The following FAT2 variants were observed in gnomAD, a reference collection of about 807,000 sequenced individuals.
FAT2 encodes protocadherin Fat 2.
Under a neutral mutation model 295.3 loss-of-function variants are expected in FAT2, and 150 were observed. That is an observed-to-expected ratio of 0.51 (90% CI 0.44 to 0.58). The LOEUF is 0.58. FAT2 is among the 20% of genes least tolerant of loss of function. FAT2 has a pLI of 0.00. For synonymous variants in FAT2, 2,026 were observed against 2,150.3 expected (o/e 0.94, Z 1.60); for missense variants, 4,868 against 5,442.7 (o/e 0.89, Z 3.32).
In FAT2 at chr5:151,521,298, C is replaced by T; in HGVS notation, c.11295G>A (p.Leu3765=). ...RLSILTPRHH[L]QRSCSCNGTA... Reference sequence around the variant, plus strand: ...TACCATTGCAGGAGCAGCTCCTCTGCAGGTGGTGCCGCGGGGTTAGGATGC... The same window carrying T: ...TACCATTGCAGGAGCAGCTCCTCTGTAGGTGGTGCCGCGGGGTTAGGATGC... Residue 3765 remains leucine, a synonymous_variant, in exon 19 of 24, where the codon CTG becomes CTA. Transcript: ENST00000261800. 1 of 1,610,788 alleles carries T rather than the reference C, an allele frequency of 6.2e-7. No individual in the cohort carries two copies. The highest frequency in any genetic ancestry group is 8.5e-7 in the Non-Finnish European group (1 of 1,177,602).
intron 1 of FAT2, among the ~76,000 whole-genome samples, chr5:151,581,058 C>T (rs982154756): frequency 2.0e-5 from 3 of 152,194 alleles, no homozygotes; most frequent in Non-Finnish European, 4.4e-5. Flanking sequence ...CAGGCACCTC[C>T]AGGAGGTGGA....
rs144641083 is a variant in FAT2, at chr5:151,565,980, C to T, written c.2952G>A (p.Glu984=). Residue 984 remains glutamate (E), a synonymous_variant, in exon 2 of 24, where the codon GAG becomes GAA. Transcript: ENST00000261800. Reference sequence around the variant, plus strand: ...CTCGCCTCTCAAAGTCCAGCTCTCTCTCCAGAATGAGCGCCCCTGTCATCA... The same window carrying T: ...CTCGCCTCTCAAAGTCCAGCTCTCTTTCCAGAATGAGCGCCCCTGTCATCA... ...VDLMTGALIL[E]RELDFERRAG... is the part of the protein sequence containing the mutation. 4.3e-6 allele frequency: 7 copies of T among 1,614,108 alleles called. No homozygotes were observed. In the African/African-American group the frequency reaches 8.0e-5, roughly 18 times the overall value.
chr5:151,581,478 G>A lies in FAT2; in HGVS notation c.-21+9687C>T, dbSNP rs78573995. 2.3e-3 allele frequency among the ~76,000 whole-genome samples: 347 copies of A among 152,286 alleles called. 5 individuals carry two copies. In the East Asian group the frequency reaches 0.057, roughly 25 times the overall value. ...TGAGCTAACCCTCTGCTGAGCTATC[G>A]CTAGAGGCCCTGAAGATGGTGAGGT... On this transcript the variant is annotated intron_variant, in intron 1 of 23. Coordinates refer to ENST00000261800, the MANE Select transcript of FAT2 (RefSeq NM_001447.3).
chr5:151,567,595 A>G lies in FAT2; in HGVS notation c.1337T>C (p.Ile446Thr), dbSNP rs757662606. Residue 446 changes from isoleucine (I) to threonine (T), a missense_variant, in exon 2 of 24, where the codon ATT becomes ACT. Physicochemically the swap from Ile to Thr is moderately conservative, Grantham distance 89 (BLOSUM62 -1). Coordinates refer to ENST00000261800, the MANE Select transcript of FAT2 (RefSeq NM_001447.3). ...ATGGTTGTTGCAGTCCACAATGTCA[A>G]TGACCACCACGGTGGAGGCCTGGCC... ...SPGQASTVVVIDIVDCNNHAP... is the reference protein window; with the variant it reads ...SPGQASTVVVTDIVDCNNHAP... 22 of 1,614,062 alleles carry G rather than the reference A, an allele frequency of 1.4e-5. No homozygotes were observed. In the Admixed American group the frequency reaches 1.7e-4, roughly 12 times the overall value.
intron 1 of FAT2, among the ~76,000 whole-genome samples, chr5:151,583,177 A>G (rs546584048): frequency 2.5e-4 from 38 of 152,298 alleles, no homozygotes; most frequent in African/African-American, 8.2e-4. Context: ...TGCACACCTC[A>G]TGACCCAGCG....
At chr5:151,586,879 G>A (rs950414945) in intron 1 of FAT2, among the ~76,000 whole-genome samples, 4 of 152,204 alleles carry the variant, frequency 2.6e-5, no homozygotes, top group African/African-American at 7.2e-5. Flanking sequence ...AGTGGCCCAC[G>A]CTTGTAATCC....
chr5:151,518,338 G>A (rs1581299821), intron 19 of FAT2, among the ~76,000 whole-genome samples: 1 of 121,118 alleles, frequency 8.3e-6, no homozygotes, highest in East Asian at 2.6e-4. Flanking sequence ...GACAGAGAGA[G>A]ACCATGTCTC....
At position 151,546,276 on chromosome 5, in the gene FAT2, C is replaced by G. The variant is rs768778253; in HGVS notation, c.4851G>C (p.Lys1617Asn). ...GTGGGGCATGATTTGCCTGATCAAGCTTTTGAGCTAGAGTAATGATGCCTA... is the reference window on the plus strand; with the variant it reads ...GTGGGGCATGATTTGCCTGATCAAGGTTTTGAGCTAGAGTAATGATGCCTA... ...ALLGIITLAQ[K>N]LDQANHAPHT... Residue 1617 changes from lysine (K) to asparagine (N), a missense_variant, in exon 10 of 24, where the codon AAG becomes AAC. Lys to Asn is a moderately conservative substitution (Grantham distance 94). Around this residue, in one of 5 missense-constraint regions of FAT2, gnomAD observed 3,297 missense variants for 3,669.4 expected, o/e 0.90. Coordinates refer to ENST00000261800, the MANE Select transcript of FAT2 (RefSeq NM_001447.3). The G allele has an allele frequency of 6.2e-7, 1 of 1,614,116 alleles. No individual in the cohort carries two copies. Among genetic ancestry groups the G allele is most frequent in the South Asian group, 1.1e-5 (1 of 91,078 alleles).
chr5:151,558,863 A>G (rs1387814630), intron 3 of FAT2, among the ~76,000 whole-genome samples: 2 of 152,182 alleles, frequency 1.3e-5, no homozygotes, highest in Non-Finnish European at 2.9e-5. Flanking sequence ...GATTCAGGGA[A>G]GTTGAGGTGG....
At chr5:151,577,964 TC>T (rs1264882292) in intron 1 of FAT2, among the ~76,000 whole-genome samples, 1 of 151,078 alleles carries the variant, frequency 6.6e-6, no homozygotes, top group Non-Finnish European at 1.5e-5. Context: ...TCTGGGGCTC[TC>T]TGGTAGGAGG....
intron 19 of FAT2, among the ~76,000 whole-genome samples, chr5:151,520,947 T>G (rs1405623650): frequency 6.6e-6 from 1 of 152,234 alleles, no homozygotes; most frequent in Non-Finnish European, 1.5e-5. Context: ...AGGTTAATTT[T>G]CCTAAAGTCG....
At chr5:151,573,075 T>G (rs1441820122) in intron 1 of FAT2, among the ~76,000 whole-genome samples, 1 of 152,190 alleles carries the variant, frequency 6.6e-6, no homozygotes, top group Admixed American at 6.5e-5. Context: ...AGGATATATG[T>G]ATGAACCAAC....
At position 151,510,193 on chromosome 5, in the gene FAT2, A is replaced by G. The variant is rs750064326; in HGVS notation, c.11906-19T>C. On this transcript the variant is annotated intron_variant, in intron 21 of 23. Transcript: ENST00000261800. ...ACATAGCCTAGGAGAAAAAGAAGGG[A>G]GGTGAGAGACCGCACTGGCCTAGCA... 1.5e-5 allele frequency: 25 copies of G among 1,613,478 alleles called. No homozygotes were observed. Among genetic ancestry groups the G allele is most frequent in the Non-Finnish European group, 2.0e-5 (24 of 1,179,710 alleles).
chr5:151,531,827 C>G lies in FAT2; in HGVS notation c.9571G>C (p.Asp3191His), dbSNP rs2127591668. The G allele has an allele frequency of 6.2e-7, 1 of 1,613,864 alleles. No individual in the cohort carries two copies. Among genetic ancestry groups the G allele is most frequent in the Non-Finnish European group, 8.5e-7 (1 of 1,180,024 alleles). The change falls in exon 14 of 24, where the codon GAC becomes CAC. Residue 3191 changes from aspartate (D) to histidine (H), a missense_variant. By Grantham distance (81) the Asp-to-His change is moderately conservative (BLOSUM62 -1). Coordinates refer to ENST00000261800, the MANE Select transcript of FAT2 (RefSeq NM_001447.3). The surrounding 1 kb of genome is among the most constrained non-coding windows in gnomAD (Gnocchi z 5.7). ...APLELTVRAS[D>H]LGTPIPLSTL... ...GACAGCGGTATTGGGGTGCCCAGGT[C>G]AGAGGCACGGACCGTGAGCTCCAGT... is the stretch of plus-strand genomic sequence containing the variant.
In FAT2 at chr5:151,505,891, G is replaced by A. The variant is rs769281607; in HGVS notation, c.12724C>T (p.Arg4242Cys). 5.6e-6 allele frequency: 9 copies of A among 1,598,920 alleles called. No individual in the cohort carries two copies. Among genetic ancestry groups the A allele is most frequent in the Non-Finnish European group, 6.0e-6 (7 of 1,174,334 alleles). ...TCTTCCAGGTTCTGGTTGCTGTAAC[G>A]GGGTGGGAGAGGTGCCCGCTTGTTT... ...MENKRAPLPP[R>C]YSNQNLEDLM... The change falls in exon 24 of 24, where the codon CGT becomes TGT. Residue 4242 changes from arginine to cysteine, a missense_variant. Coordinates refer to ENST00000261800, the MANE Select transcript of FAT2 (RefSeq NM_001447.3).
intron 1 of FAT2, among the ~76,000 whole-genome samples, chr5:151,577,448 A>G (rs1010761512): frequency 6.6e-6 from 1 of 152,226 alleles, no homozygotes; most frequent in Non-Finnish European, 1.5e-5. Flanking sequence ...TCTTGTGGGT[A>G]CTGTATTCTA....
intron 5 of FAT2, 31 bp downstream of exon 5, chr5:151,554,331 C>T (rs1267860619): frequency 1.3e-6 from 2 of 1,587,848 alleles, no homozygotes; most frequent in East Asian, 4.5e-5. Flanking sequence ...CATGCCACTC[C>T]TCCCTCCGTG....
intron 11 of FAT2, among the ~76,000 whole-genome samples, chr5:151,538,403 C>T (rs979353918): frequency 6.6e-6 from 1 of 152,202 alleles, no homozygotes; most frequent in African/African-American, 2.4e-5. Context: ...TGCTATTAAG[C>T]TCATCTCCCT....
At chr5:151,522,243 C>T (rs903322366) in intron 18 of FAT2, 157 bp from the exon 19 acceptor site, 1 of 586,448 alleles carries the variant, frequency 1.7e-6, no homozygotes, top group Non-Finnish European at 3.0e-6. Context: ...AAAAACCTAA[C>T]TCCAAAAGCA....
Sources: gnomAD v4.1 joint callset for allele counts (sites outside exome capture counted in the v4.1 genomes callset) on GRCh38, gnomAD v4.1.1 for gene constraint, gnomAD v4.1.1 regional missense constraint, Gnocchi (gnomAD v3.1) non-coding constraint, MANE v1.5 for transcripts, NCBI Gene and HGNC (gene_info 2026-07-23, HGNC 2026-07-21) for gene names.